PCDHGA5: variants seen among roughly 807,000 people sequenced by gnomAD.
PCDHGA5 encodes protocadherin gamma-A5.
Under a neutral mutation model 56.7 loss-of-function variants are expected in PCDHGA5, and 36 were observed. The observed-to-expected ratio is 0.64, with a 90% CI of 0.49 to 0.84. PCDHGA5 has a LOEUF of 0.84. Ranked by LOEUF, PCDHGA5 falls within the 40% of genes least tolerant of loss-of-function variation. The pLI is 0.00. For synonymous variants in PCDHGA5, 563 were observed against 520.2 expected, an observed-to-expected ratio of 1.08 and a Z score of -1.12; for missense variants, 1,305 against 1,201.5, an observed-to-expected ratio of 1.09 and a Z score of -1.27.
intron 3 of PCDHGA5, 69 bp from the exon 4 acceptor site, chr5:141,510,878 G>A (rs896348248): frequency 6.2e-7 from 1 of 1,610,438 alleles, no homozygotes; most frequent in African/African-American, 1.3e-5. Context: ...TTAACTGCTG[G>A]GGATATAAGA....
In PCDHGA5 at chr5:141,394,367, A is replaced by G. The variant is rs201573539; in HGVS notation, c.2421+27616A>G. 248 of 1,614,150 alleles carry G rather than the reference A, an allele frequency of 1.5e-4. 1 individual carries two copies. Among genetic ancestry groups the G allele is most frequent in the Middle Eastern group, 1.2e-3 (7 of 6,062 alleles). The stretch of plus-strand genomic sequence containing the variant: ...ACACCGGTGTCCTGTATGCGCTGCA[A>G]TCTTTCGACTATGAGCAGATCCGAG... On this transcript the variant is annotated intron_variant, in intron 1 of 3. Coordinates refer to ENST00000518069, the MANE Select transcript of PCDHGA5 (RefSeq NM_018918.3).
intron 1 of PCDHGA5, among the ~76,000 whole-genome samples, chr5:141,464,049 G>C (rs1330340459): frequency 6.6e-6 from 1 of 152,124 alleles, no homozygotes; most frequent in Admixed American, 6.5e-5. Context: ...TGGATCACCT[G>C]AGGTCAGGAG....
intron 1 of PCDHGA5, among the ~76,000 whole-genome samples, chr5:141,452,455 C>T (rs2098741536): frequency 6.6e-6 from 1 of 152,208 alleles, no homozygotes; most frequent in Non-Finnish European, 1.5e-5. Flanking sequence ...GCCTTGTCAG[C>T]AGACGGAGCT....
At chr5:141,478,816 A>G in intron 1 of PCDHGA5, 1 of 1,450,826 alleles carries the variant, frequency 6.9e-7, no homozygotes, top group Non-Finnish European at 9.1e-7. Context: ...TATCACAACT[A>G]ACCAATCTTG....
intron 1 of PCDHGA5, chr5:141,375,538 C>T: frequency 6.2e-7 from 1 of 1,614,018 alleles, no homozygotes; most frequent in Non-Finnish European, 8.5e-7. Context: ...ACCAGAACGC[C>T]CAAGTCTCCT....
intron 1 of PCDHGA5, chr5:141,423,760 G>A: frequency 1.1e-5 from 3 of 279,660 alleles, no homozygotes; most frequent in Non-Finnish European, 1.1e-5. Flanking sequence ...TGGGGGGGGG[G>A]TGGGGCGGCA....
At chr5:141,400,126 G>A (rs1428204829) in intron 1 of PCDHGA5, 2 of 1,613,972 alleles carry the variant, frequency 1.2e-6, no homozygotes, top group East Asian at 2.2e-5. Context: ...CTTGCAGGAG[G>A]TGCTGCCGGA....
intron 1 of PCDHGA5, chr5:141,375,055 G>T (rs1771087502): frequency 6.2e-7 from 1 of 1,614,042 alleles, no homozygotes; most frequent in Non-Finnish European, 8.5e-7. Flanking sequence ...CCCGGGATGG[G>T]CCAGGTCTTC....
chr5:141,471,646 G>C (rs935284198), intron 1 of PCDHGA5: 1 of 152,108 alleles, frequency 6.6e-6, no homozygotes, highest in Non-Finnish European at 1.5e-5. Flanking sequence ...GTAATATACT[G>C]GATGTGGGGA....
In PCDHGA5 at chr5:141,491,848, C is replaced by A; in HGVS notation, c.2422-2959C>A. 1 of 1,461,478 alleles carries A rather than the reference C, an allele frequency of 6.8e-7. No homozygotes were observed. Among genetic ancestry groups the A allele is most frequent in the Non-Finnish European group, 9.1e-7 (1 of 1,104,578 alleles). The allele number at this position is 1,461,478 out of a possible 1,614,324, so 90.5% of individuals were successfully genotyped here. A position where few individuals can be genotyped will look rare whatever the true frequency, so the allele number is the denominator to read the frequency against. On this transcript the variant is annotated intron_variant, in intron 1 of 3. Transcript: ENST00000518069. This position sits in a 1 kb window ranked among gnomAD's most constrained non-coding sequence, Gnocchi z 6.9. ...CACCCGATTCTCGGGATCATTGGAC[C>A]GTTTGCGCGAAACCAGAGTGGCCGA...
chr5:141,402,229 A>G (rs1263337414), intron 1 of PCDHGA5, among the ~76,000 whole-genome samples: 4 of 152,110 alleles, frequency 2.6e-5, no homozygotes, highest in Non-Finnish European at 5.9e-5. Context: ...ACGTTTTTCC[A>G]GGAATTTTAT....
intron 1 of PCDHGA5, chr5:141,410,146 C>T (rs2095361527): frequency 2.5e-6 from 4 of 1,612,390 alleles, no homozygotes; most frequent in Non-Finnish European, 2.5e-6. Context: ...CTGTGCGTGA[C>T]GGTGGACAGC....
chr5:141,472,529 G>C lies in PCDHGA5; in HGVS notation c.2422-22278G>C, dbSNP rs553065027. 9.3e-5 allele frequency among the ~76,000 whole-genome samples: 14 copies of C among 151,058 alleles called. No individual in the cohort carries two copies. In the East Asian group the frequency reaches 2.6e-3, roughly 28 times the overall value. ...CACTCCAGCCTGGGTGACAGAGTGA[G>C]ACACCATCTCAAGAAAAAAAAAATT... On this transcript the variant is annotated intron_variant, in intron 1 of 3. Transcript: ENST00000518069.
At chr5:141,390,475 A>G (rs1355918266) in intron 1 of PCDHGA5, 1 of 686,634 alleles carries the variant, frequency 1.5e-6, no homozygotes, top group Admixed American at 3.0e-5. Context: ...TGTGTGGCCC[A>G]ACATTTGTTT....
chr5:141,421,307 T>C, intron 1 of PCDHGA5: 10 of 1,613,674 alleles, frequency 6.2e-6, no homozygotes, highest in Non-Finnish European at 8.5e-6. Context: ...CTGCGGGGGT[T>C]CCGGGCCAGG....
intron 1 of PCDHGA5, chr5:141,479,494 G>C (rs747201739): frequency 2.6e-5 from 4 of 152,256 alleles, no homozygotes; most frequent in Non-Finnish European, 5.9e-5. Flanking sequence ...CCATCAGGTT[G>C]CCTAAAGAGG....
At chr5:141,398,908 G>C (rs2093725359) in intron 1 of PCDHGA5, 1 of 1,613,860 alleles carries the variant, frequency 6.2e-7, no homozygotes, top group South Asian at 1.1e-5. Flanking sequence ...AGGCACCACT[G>C]TGTTGCAAGT....
chr5:141,393,307 ACTC>A, intron 1 of PCDHGA5: 1 of 1,613,594 alleles, frequency 6.2e-7, no homozygotes, highest in East Asian at 2.2e-5. Flanking sequence ...GTGGGCGTGA[ACTC>A]CCTCCAGAGC....
intron 1 of PCDHGA5, chr5:141,433,338 T>G (rs2097583623): frequency 3.1e-6 from 2 of 651,932 alleles, no homozygotes; most frequent in South Asian, 4.0e-5. Context: ...GGACTACAGG[T>G]GCAAGCCACC....
Sources: gnomAD v4.1 joint callset for allele counts (sites outside exome capture counted in the v4.1 genomes callset) on GRCh38, gnomAD v4.1.1 for gene constraint, Gnocchi (gnomAD v3.1) non-coding constraint, MANE v1.5 for transcripts, NCBI Gene and HGNC (gene_info 2026-07-23, HGNC 2026-07-21) for gene names.